SLC26A9: variants seen among roughly 807,000 people sequenced by gnomAD.
SLC26A9 encodes the protein solute carrier family 26 member 9, also known as anion transporter/exchanger protein 9.
A neutral mutation model predicts 87.1 loss-of-function variants in SLC26A9; 46 were observed. The ratio of observed to expected loss-of-function variants is 0.53; its 90% CI spans 0.42 to 0.67. SLC26A9 has a LOEUF of 0.67. Ranked by LOEUF, SLC26A9 falls within the 30% of genes least tolerant of loss-of-function variation. The pLI is 0.00. For missense variants in SLC26A9, 927 were observed against 1,018.3 expected (o/e 0.91, Z 1.22); for synonymous variants, 437 against 409.1 (o/e 1.07, Z -0.82).
In SLC26A9 at chr1:205,914,709, C is replaced by G; in HGVS notation, c.*648G>C. 1.4e-6 allele frequency: 1 copy of G among 706,058 alleles called. No homozygotes were observed. 43.7% of individuals were successfully genotyped at this position (706,058 alleles called of 1,614,324 possible). Reference sequence around the variant, plus strand: ...TCCTGGCCACTGTCCAGGCTAGAGTCTGATGTGCTTGCTGACAGCAGTGGT... The same window carrying G: ...TCCTGGCCACTGTCCAGGCTAGAGTGTGATGTGCTTGCTGACAGCAGTGGT... On this transcript the variant is annotated 3_prime_UTR_variant, in exon 21 of 21. Transcript: ENST00000367135.
chr1:205,927,859 T>G, intron 9 of SLC26A9, 43 bp downstream of exon 9: 3 of 1,597,794 alleles, frequency 1.9e-6, no homozygotes, highest in Non-Finnish European at 2.6e-6. Context: ...CAGGCCTGAG[T>G]TGACCTGTCC....
chr1:205,915,797 G>T (rs567420397), intron 20 of SLC26A9, among the ~76,000 whole-genome samples: 1 of 152,222 alleles, frequency 6.6e-6, no homozygotes, highest in African/African-American at 2.4e-5. Flanking sequence ...TTTTTGGAAT[G>T]TGCTGGAGAT....
At chr1:205,932,372 G>A (rs1319979160) in intron 4 of SLC26A9, among the ~76,000 whole-genome samples, 2 of 152,200 alleles carry the variant, frequency 1.3e-5, no homozygotes, top group South Asian at 2.1e-4. Flanking sequence ...CCCTGTAGTG[G>A]CCGGCTGGGA....
intron 15 of SLC26A9, 58 bp downstream of exon 15, chr1:205,923,277 T>G: frequency 2.5e-6 from 4 of 1,611,702 alleles, no homozygotes; most frequent in Admixed American, 1.7e-5. Context: ...GCCCTTCTGC[T>G]TCCATTTTCC....
rs751646727 is a variant in SLC26A9 at position 205,924,448 on chromosome 1, G to A, written c.1431C>T (p.Ser477=). Residue 477 remains serine, a synonymous_variant, in exon 13 of 21, where the codon AGC becomes AGT. Coordinates refer to ENST00000367135, the MANE Select transcript of SLC26A9 (RefSeq NM_052934.4). ...CACCCACTGCCACACCATAGGGCAG[G>A]CTGAGGAAGAAGGAGGAGAGGAAGC... ...VVSFLSSFFL[S]LPYGVAVGVA... is the part of the protein sequence containing the mutation. The A allele has an allele frequency of 1.2e-6, 2 of 1,614,226 alleles. No homozygotes were observed. Among genetic ancestry groups the A allele is most frequent in the South Asian group, 2.2e-5 (2 of 91,088 alleles).
rs755264653 is a variant in SLC26A9, at chr1:205,923,588, C to T, written c.1522G>A (p.Val508Ile). ...QFRNGYALAQVMDTDIYVNPK... is the reference protein window; with the variant it reads ...QFRNGYALAQIMDTDIYVNPK... ...TTCACATAAATGTCAGTGTCCATGACCTGGGCCAGTGCATAGCCATTTCGA... is the reference window on the plus strand; with the variant it reads ...TTCACATAAATGTCAGTGTCCATGATCTGGGCCAGTGCATAGCCATTTCGA... Residue 508 changes from valine to isoleucine, a missense_variant, in exon 14 of 21, where the codon GTC (valine) becomes ATC (isoleucine). Coordinates refer to ENST00000367135, the MANE Select transcript of SLC26A9 (RefSeq NM_052934.4). The T allele has an allele frequency of 5.0e-5, 81 of 1,614,076 alleles. No individual in the cohort carries two copies. Among genetic ancestry groups the T allele is most frequent in the Non-Finnish European group, 6.5e-5 (77 of 1,180,050 alleles).
At chr1:205,940,526 G>T (rs1269950887) in intron 1 of SLC26A9, among the ~76,000 whole-genome samples, 1 of 152,180 alleles carries the variant, frequency 6.6e-6, no homozygotes, top group Admixed American at 6.5e-5. Flanking sequence ...CATCATTACT[G>T]CTATGACTCC....
At position 205,924,383 on chromosome 1, in the gene SLC26A9, A is replaced by C. The variant is rs1658979824; in HGVS notation, c.1496T>G (p.Phe499Cys). 1 of 1,614,032 alleles carries C rather than the reference A, an allele frequency of 6.2e-7. No individual in the cohort carries two copies. The highest frequency in any genetic ancestry group is 2.2e-5 in the East Asian group (1 of 44,872). Reference sequence around the variant, plus strand: ...TAGGAGGGCGGAAGCTATCACTTACAACTGAGTCTGGAAGACCACGACCAG... The same window carrying C: ...TAGGAGGGCGGAAGCTATCACTTACCACTGAGTCTGGAAGACCACGACCAG... ...SVLVVVFQTQ[F>C]RNGYALAQVM... Residue 499 changes from phenylalanine (F) to cysteine (C), a missense_variant and splice_region_variant, in exon 13 of 21, where the codon TTT becomes TGT. By Grantham distance (205) the Phe-to-Cys change is radical. Coordinates refer to ENST00000367135, the MANE Select transcript of SLC26A9 (RefSeq NM_052934.4).
In SLC26A9 at chr1:205,930,066, G is replaced by A. The variant is rs753901742; in HGVS notation, c.553-10C>T. ...TGAAGCCCAGACCCATCTGAGAGGAGGAAAAGGGTGGTTGGTGGCGGAAGA... is the reference window on the plus strand; with the variant it reads ...TGAAGCCCAGACCCATCTGAGAGGAAGAAAAGGGTGGTTGGTGGCGGAAGA... On this transcript the variant is annotated splice_polypyrimidine_tract_variant and intron_variant, in intron 5 of 20. Coordinates refer to ENST00000367135, the MANE Select transcript of SLC26A9 (RefSeq NM_052934.4). 5.0e-6 allele frequency: 8 copies of A among 1,585,558 alleles called. No homozygotes were observed. In the African/African-American group the frequency reaches 6.7e-5, roughly 13 times the overall value.
chr1:205,920,957 T>G (rs980421214), intron 17 of SLC26A9, among the ~76,000 whole-genome samples: 10 of 152,234 alleles, frequency 6.6e-5, no homozygotes, highest in African/African-American at 2.4e-4. Context: ...AGGCTGGGTA[T>G]GGGGCCTGCC....
intron 7 of SLC26A9, 34 bp downstream of exon 7, chr1:205,929,170 C>T: frequency 1.3e-6 from 2 of 1,596,048 alleles, no homozygotes; most frequent in Non-Finnish European, 1.7e-6. Context: ...ACAGCCTGGC[C>T]CCCCAACATC....
At chr1:205,936,358 A>T (rs1307070005) in intron 1 of SLC26A9, among the ~76,000 whole-genome samples, 1 of 152,184 alleles carries the variant, frequency 6.6e-6, no homozygotes. Context: ...CTTCTTGGAT[A>T]AGACATCTAG....
At chr1:205,927,794 G>C in intron 9 of SLC26A9, 108 bp downstream of exon 9, 1 of 1,536,172 alleles carries the variant, frequency 6.5e-7, no homozygotes, top group Non-Finnish European at 8.8e-7. Context: ...CCCCACACTC[G>C]AGGCAGCCTG....
intron 12 of SLC26A9, 74 bp from the exon 13 acceptor site, chr1:205,924,563 CA>C (rs915996811): frequency 5.3e-5 from 71 of 1,333,944 alleles, no homozygotes; most frequent in Admixed American, 7.6e-5. Flanking sequence ...CTGGATTAGC[CA>C]AGGCCATTCT....
In SLC26A9 at chr1:205,931,468, T is replaced by TTTTTTTTTTG. The variant is rs1320244000; in HGVS notation, c.552+391_552+392insCAAAAAAAAA. On this transcript the variant is annotated intron_variant, in intron 5 of 20. Transcript: ENST00000367135. ...GGAGGAGGTGAGCCCTAACTTGGTTTTTTTTTTTTTTTTTTTGAGACGGAG... is the reference window on the plus strand; with the variant it reads ...GGAGGAGGTGAGCCCTAACTTGGTTTTTTTTTTTTGTTTTTTTTTTTTTTTTGAGACGGAG... Among the ~76,000 whole-genome samples, 3 of 44,964 alleles carry TTTTTTTTTTG rather than the reference T, an allele frequency of 6.7e-5. 1 individual carries two copies. The highest frequency in any genetic ancestry group is 1.6e-4 in the Non-Finnish European group (3 of 18,860). The allele number at this position is 44,964 out of a possible 152,430, so 29.5% of individuals were successfully genotyped here. A position where few individuals can be genotyped will look rare whatever the true frequency, so the allele number is the denominator to read the frequency against.
chr1:205,941,180 G>T (rs1659728656), intron 1 of SLC26A9, among the ~76,000 whole-genome samples: 2 of 151,880 alleles, frequency 1.3e-5, no homozygotes, highest in Non-Finnish European at 2.9e-5. Context: ...TTTTGTTTTT[G>T]TTTTTTGAGG....
At chr1:205,926,428 G>T in intron 12 of SLC26A9, 107 bp downstream of exon 12, 1 of 908,610 alleles carries the variant, frequency 1.1e-6, no homozygotes. Context: ...TGCTAATTAG[G>T]AAGCAGCAGA....
At chr1:205,935,879 C>A in intron 1 of SLC26A9, 41 bp from the exon 2 acceptor site, 1 of 1,571,932 alleles carries the variant, frequency 6.4e-7, no homozygotes, top group Non-Finnish European at 8.6e-7. Flanking sequence ...GGGAACATCC[C>A]TCCCTAGTGC....
chr1:205,917,144 C>A, intron 20 of SLC26A9, 139 bp downstream of exon 20: 12 of 665,834 alleles, frequency 1.8e-5, no homozygotes, highest in East Asian at 2.8e-5. Context: ...CAAAGATGAC[C>A]ACAAATCTTT....
Sources: gnomAD v4.1 joint callset for allele counts (sites outside exome capture counted in the v4.1 genomes callset) on GRCh38, gnomAD v4.1.1 for gene constraint, MANE v1.5 for transcripts, NCBI Gene and HGNC (gene_info 2026-07-23, HGNC 2026-07-21) for gene names.